The following LRRC8C variants were observed in gnomAD, a reference collection of about 807,000 sequenced individuals.
The protein encoded by LRRC8C is volume-regulated anion channel subunit LRRC8C.
In LRRC8C, 20 loss-of-function variants were observed where a neutral mutation model predicts 55.3. The observed-to-expected ratio is 0.36, with a 90% CI of 0.25 to 0.53. The LOEUF (loss-of-function observed/expected upper bound fraction) is 0.53, where lower values mean the gene tolerates loss of function less well. Among genes scored for constraint, LRRC8C ranks in the 20% least tolerant of loss-of-function variants. The pLI, the probability that LRRC8C is intolerant of heterozygous loss-of-function variation, is 0.92. For synonymous variants in LRRC8C, 376 were observed against 360.7 expected, an observed-to-expected ratio of 1.04 and a Z score of -0.48; for missense variants, 659 against 951.4, an observed-to-expected ratio of 0.69 and a Z score of 4.04.
intron 1 of LRRC8C, among the ~76,000 whole-genome samples, chr1:89,659,713 A>G (rs1326087965): frequency 6.6e-6 from 1 of 152,214 alleles, no homozygotes; most frequent in Non-Finnish European, 1.5e-5. Flanking sequence ...TATGGACCCC[A>G]TCAGAACTAC....
chr1:89,623,227 T>C, the LRRC8C span, among the ~76,000 whole-genome samples: 1 of 152,050 alleles, frequency 6.6e-6, no homozygotes, highest in African/African-American at 2.4e-5. Flanking sequence ...GGTAATTCCT[T>C]TTCACTGAGA....
chr1:89,643,411 A>G (rs1353161441), intron 1 of LRRC8C, among the ~76,000 whole-genome samples: 1 of 152,244 alleles, frequency 6.6e-6, no homozygotes, highest in Non-Finnish European at 1.5e-5. Flanking sequence ...GAACCTATAC[A>G]AATAGCTACA....
chr1:89,640,486 T>C (rs963095973), intron 1 of LRRC8C, among the ~76,000 whole-genome samples: 1 of 152,260 alleles, frequency 6.6e-6, no homozygotes, highest in African/African-American at 2.4e-5. Flanking sequence ...ATGAAAGATA[T>C]ATCCTATAAA....
chr1:89,685,054 A>G (rs1214501417), intron 1 of LRRC8C, among the ~76,000 whole-genome samples: 2 of 152,038 alleles, frequency 1.3e-5, no homozygotes, highest in African/African-American at 4.8e-5. Flanking sequence ...GCTGTAATCA[A>G]AGAAGAGGCT....
intron 2 of LRRC8C, among the ~76,000 whole-genome samples, chr1:89,692,419 T>C (rs1233555868): frequency 6.6e-6 from 1 of 152,228 alleles, no homozygotes; most frequent in Non-Finnish European, 1.5e-5. Context: ...AGTTGATATC[T>C]GTTTACTCCT....
intron 2 of LRRC8C, among the ~76,000 whole-genome samples, chr1:89,709,301 A>G (rs977494942): frequency 1.3e-5 from 2 of 152,232 alleles, no homozygotes; most frequent in Non-Finnish European, 2.9e-5. Flanking sequence ...AAGTTTTCTG[A>G]ACCTTGGTCA....
intron 1 of LRRC8C, chr1:89,661,482 G>C (rs1657123031): frequency 5.4e-6 from 1 of 186,258 alleles, no homozygotes; most frequent in East Asian, 1.3e-4. Flanking sequence ...CCTCCGATTG[G>C]AAAGGAGAGA....
Position 89,713,482 on chromosome 1 carries a change from A to C in LRRC8C, c.912A>C (p.Lys304Asn), listed in dbSNP as rs72712583. ...NVDIQDMTGY[K>N]NFSCNHTMAH... ...ACATTCAGGACATGACTGGATATAAAAACTTTTCTTGCAATCATACCATGG... is the reference window on the plus strand; with the variant it reads ...ACATTCAGGACATGACTGGATATAACAACTTTTCTTGCAATCATACCATGG... Residue 304 changes from lysine (K) to asparagine (N), a missense_variant, in exon 3 of 3, where the codon AAA (lysine) becomes AAC (asparagine). By Grantham distance (94) the Lys-to-Asn change is moderately conservative (BLOSUM62 0). This residue lies in a region of LRRC8C where 200 missense variants were observed against 360.5 expected (regional missense o/e 0.55). Coordinates refer to ENST00000370454, the MANE Select transcript of LRRC8C (RefSeq NM_032270.5). This position sits in a 1 kb window ranked among gnomAD's most constrained non-coding sequence, Gnocchi z 5.2. 25,746 of 1,614,150 alleles carry C rather than the reference A, an allele frequency of 0.016. 251 individuals are homozygous for C. Among genetic ancestry groups the C allele is most frequent in the Non-Finnish European group, 0.02 (23,180 of 1,180,016 alleles).
intron 1 of LRRC8C, among the ~76,000 whole-genome samples, chr1:89,670,788 A>G (rs1251516151): frequency 1.3e-5 from 2 of 152,152 alleles, no homozygotes; most frequent in Admixed American, 1.3e-4. Context: ...AAGTAAAGGT[A>G]CCTGTTTATT....
intron 2 of LRRC8C, among the ~76,000 whole-genome samples, chr1:89,694,883 T>A (rs1349550489): frequency 2.7e-5 from 4 of 150,010 alleles, no homozygotes; most frequent in African/African-American, 9.8e-5. Context: ...CCAGCTTTTT[T>A]GTTATAATAG....
chr1:89,690,874 C>G (rs571341832), intron 2 of LRRC8C, among the ~76,000 whole-genome samples: 12 of 152,258 alleles, frequency 7.9e-5, no homozygotes, highest in African/African-American at 2.6e-4. Context: ...TAACCTGGGC[C>G]CTTCACACAT....
intron 2 of LRRC8C, among the ~76,000 whole-genome samples, chr1:89,695,065 A>G (rs1658135355): frequency 6.7e-6 from 1 of 149,572 alleles, no homozygotes; most frequent in African/African-American, 2.5e-5. Context: ...GGGACTACAG[A>G]CGTGAGCCAC....
At chr1:89,673,187 T>C (rs1657468931) in intron 1 of LRRC8C, among the ~76,000 whole-genome samples, 1 of 152,244 alleles carries the variant, frequency 6.6e-6, no homozygotes, top group Non-Finnish European at 1.5e-5. Context: ...TTTTAGCATT[T>C]GTGATTAATA....
chr1:89,668,073 T>G (rs1391663882), intron 1 of LRRC8C: 1 of 152,626 alleles, frequency 6.6e-6, no homozygotes, highest in African/African-American at 2.4e-5. Flanking sequence ...GGTTAAATAC[T>G]TAAGTATCTT....
chr1:89,664,788 T>C (rs1370020687), intron 1 of LRRC8C, among the ~76,000 whole-genome samples: 1 of 152,214 alleles, frequency 6.6e-6, no homozygotes, highest in African/African-American at 2.4e-5. Flanking sequence ...TGGAATGTTT[T>C]TCCATTTGTT....
intron 1 of LRRC8C, among the ~76,000 whole-genome samples, chr1:89,671,365 T>G (rs1281689910): frequency 6.7e-6 from 1 of 149,828 alleles, no homozygotes; most frequent in Non-Finnish European, 1.5e-5. Flanking sequence ...AAGAGAAAAG[T>G]GAAAAACAGA....
upstream of LRRC8C, among the ~76,000 whole-genome samples, chr1:89,629,405 T>C (rs1656049968): frequency 6.6e-6 from 1 of 152,186 alleles, no homozygotes; most frequent in African/African-American, 2.4e-5. Context: ...CTTGCACTCT[T>C]ACCAGGTAGG....
chr1:89,663,292 C>T (rs370066407), intron 1 of LRRC8C, among the ~76,000 whole-genome samples: 5 of 152,070 alleles, frequency 3.3e-5, no homozygotes, highest in African/African-American at 9.7e-5. Context: ...CACATGTGGC[C>T]GGACGCGGTG....
the LRRC8C span, among the ~76,000 whole-genome samples, chr1:89,619,777 T>C: frequency 6.6e-6 from 1 of 152,166 alleles, no homozygotes; most frequent in African/African-American, 2.4e-5. Flanking sequence ...TTAATGTTTG[T>C]CACATGCTTA....
Sources: allele counts gnomAD v4.1 joint callset (sites outside exome capture counted in the v4.1 genomes callset), GRCh38; gene constraint gnomAD v4.1.1; regional missense constraint gnomAD v4.1.1; non-coding constraint Gnocchi (gnomAD v3.1); transcripts MANE v1.5; gene names NCBI Gene and HGNC (gene_info 2026-07-23, HGNC 2026-07-21).